LARGE1: variants seen among roughly 807,000 people sequenced by gnomAD.
LARGE1 encodes LARGE xylosyl- and glucuronyltransferase 1.
In LARGE1, 43 loss-of-function variants were observed where a neutral mutation model predicts 87.6. The ratio of observed to expected loss-of-function variants is 0.49; its 90% CI spans 0.38 to 0.63. LARGE1 has a LOEUF of 0.63. Ranked by LOEUF, LARGE1 falls within the 30% of genes least tolerant of loss-of-function variation. The probability of loss-of-function intolerance (pLI) is 0.00; values close to 1 mark genes in which losing one functional copy is unlikely to be tolerated. For missense variants in LARGE1, 802 were observed against 1,000.2 expected, an observed-to-expected ratio of 0.80 and a Z score of 2.67; for synonymous variants, 434 against 394.6, an observed-to-expected ratio of 1.10 and a Z score of -1.18.
intron 1 of LARGE1, among the ~76,000 whole-genome samples, chr22:33,866,546 G>A (rs1394218642): frequency 6.6e-6 from 1 of 152,086 alleles, no homozygotes; most frequent in Non-Finnish European, 1.5e-5. Flanking sequence ...GTGTGACCTT[G>A]GGTGAGTTAC....
intron 2 of LARGE1, among the ~76,000 whole-genome samples, chr22:33,669,052 C>T (rs560801981): frequency 1.3e-5 from 2 of 152,358 alleles, no homozygotes; most frequent in South Asian, 4.1e-4. Flanking sequence ...ATCTCCCAGG[C>T]CCATAGAGTG....
In LARGE1 at chr22:33,435,955, C is replaced by T. The variant is rs188392950; in HGVS notation, c.788-3690G>A. Among the ~76,000 whole-genome samples, 158 of 152,320 alleles carry T rather than the reference C, an allele frequency of 1.0e-3. 1 individual carries two copies. The highest frequency in any genetic ancestry group is 1.9e-3 in the Non-Finnish European group (127 of 68,022). On this transcript the variant is annotated intron_variant, in intron 6 of 14. Coordinates refer to ENST00000397394, the MANE Select transcript of LARGE1 (RefSeq NM_133642.5). ...CTTTTTAAAAGAAATTCATTAGCTG[C>T]CATATCAATGATCAAAACAGTAGTA...
intron 1 of LARGE1, among the ~76,000 whole-genome samples, chr22:33,792,102 G>C (rs1219990915): frequency 1.3e-5 from 2 of 152,068 alleles, no homozygotes. Flanking sequence ...ACGTCAATTC[G>C]GTAAAACAGA....
chr22:33,297,269 C>A (rs1933419152), intron 12 of LARGE1, among the ~76,000 whole-genome samples: 1 of 152,146 alleles, frequency 6.6e-6, no homozygotes, highest in South Asian at 2.1e-4. Flanking sequence ...TCTGGCATTC[C>A]TACACAGTGT....
In LARGE1 at chr22:33,274,527, C is replaced by T. The variant is rs376907568; in HGVS notation, c.2171G>A (p.Arg724His). The part of the protein sequence containing the change: ...ITKFRSNKQY[R>H]ICLKTLKEEF... ...TTCCTTGAGGGTTTTGAGACAGATG[C>T]GGTATTGCTTGTTGGAACGGAACTT... The change falls in exon 15 of 15, where the codon CGC becomes CAC. Residue 724 changes from arginine (R) to histidine (H), a missense_variant. This residue lies in a region of LARGE1 where 625 missense variants were observed against 841.9 expected (regional missense o/e 0.74). Coordinates refer to ENST00000397394, the MANE Select transcript of LARGE1 (RefSeq NM_133642.5). 3.4e-5 allele frequency: 55 copies of T among 1,613,962 alleles called. No homozygotes were observed. Among genetic ancestry groups the T allele is most frequent in the Non-Finnish European group, 4.6e-5 (54 of 1,179,982 alleles).
At chr22:33,100,723 G>A in the LARGE1 span, among the ~76,000 whole-genome samples, 1 of 152,188 alleles carries the variant, frequency 6.6e-6, no homozygotes, top group Admixed American at 6.5e-5. Context: ...GCTCCCTGGT[G>A]ATCCGATGCT....
intron 2 of LARGE1, among the ~76,000 whole-genome samples, chr22:33,748,996 C>G (rs2084208964): frequency 6.6e-6 from 1 of 152,196 alleles, no homozygotes; most frequent in Non-Finnish European, 1.5e-5. Flanking sequence ...TCCCAGGAGA[C>G]TTTCCAGGAT....
At chr22:33,754,995 C>T (rs1254808769) in intron 2 of LARGE1, among the ~76,000 whole-genome samples, 1 of 152,182 alleles carries the variant, frequency 6.6e-6, no homozygotes, top group East Asian at 1.9e-4. Context: ...CCACCCCCAT[C>T]CCGCCTATTC....
the LARGE1 span, among the ~76,000 whole-genome samples, chr22:33,118,427 G>A: frequency 6.6e-6 from 1 of 151,846 alleles, no homozygotes; most frequent in African/African-American, 2.4e-5. Context: ...GGGAGGTCAA[G>A]GCTGCAGTGA....
At chr22:33,709,785 C>T (rs944525603) in intron 2 of LARGE1, among the ~76,000 whole-genome samples, 1 of 151,696 alleles carries the variant, frequency 6.6e-6, no homozygotes, top group African/African-American at 2.4e-5. Flanking sequence ...GCCACCAAGC[C>T]CAGCTAATTT....
intron 5 of LARGE1, among the ~76,000 whole-genome samples, chr22:33,577,109 T>G (rs1253575603): frequency 2.6e-5 from 4 of 152,204 alleles, no homozygotes; most frequent in African/African-American, 9.7e-5. Context: ...AGATTTTGTT[T>G]CTGTTACCAT....
intron 12 of LARGE1, among the ~76,000 whole-genome samples, chr22:33,298,280 G>T (rs192750279): frequency 6.6e-6 from 1 of 152,316 alleles, no homozygotes; most frequent in African/African-American, 2.4e-5. Context: ...AAACCTGAGG[G>T]CCAGAACTTT....
chr22:33,888,994 T>C (rs1349985821), intron 1 of LARGE1: 1 of 152,246 alleles, frequency 6.6e-6, no homozygotes, highest in Non-Finnish European at 1.5e-5. Flanking sequence ...AAGTTCCTGA[T>C]GTAAATCAGC....
chr22:33,247,072 TG>T (rs1926799320), intron 11 of LARGE1, among the ~76,000 whole-genome samples: 2 of 151,902 alleles, frequency 1.3e-5, no homozygotes, highest in East Asian at 3.9e-4. Flanking sequence ...TGTGTGTGTG[TG>T]TGTGTGTGTG....
chr22:33,088,438 A>G, the LARGE1 span, among the ~76,000 whole-genome samples: 2 of 152,182 alleles, frequency 1.3e-5, no homozygotes, highest in African/African-American at 4.8e-5. Flanking sequence ...TTCTATTCAT[A>G]GGTTTTAAAA....
intron 9 of LARGE1, among the ~76,000 whole-genome samples, chr22:33,352,090 T>A (rs1275198358): frequency 1.3e-5 from 2 of 152,282 alleles, no homozygotes; most frequent in East Asian, 3.9e-4. Context: ...CTTTACTACA[T>A]AAGAATGGCT....
chr22:33,235,704 G>T (rs1005105977), intron 11 of LARGE1, among the ~76,000 whole-genome samples: 3 of 152,148 alleles, frequency 2.0e-5, no homozygotes, highest in African/African-American at 7.2e-5. Context: ...TCCAAGAGGA[G>T]ATGTCCAAGA....
the LARGE1 span, among the ~76,000 whole-genome samples, chr22:33,134,255 CTTTTTT>C: frequency 8.8e-5 from 11 of 124,342 alleles, no homozygotes; most frequent in Admixed American, 8.5e-5. Flanking sequence ...AAAGAACTCC[CTTTTTT>C]TTTTTTTTTT....
chr22:33,090,945 GGT>G, the LARGE1 span, among the ~76,000 whole-genome samples: 2 of 152,118 alleles, frequency 1.3e-5, no homozygotes, highest in Admixed American at 1.3e-4. Flanking sequence ...AGTCCTGTAT[GGT>G]AGAAGTCTCC....
Sources: allele counts gnomAD v4.1 joint callset (sites outside exome capture counted in the v4.1 genomes callset), GRCh38; gene constraint gnomAD v4.1.1; regional missense constraint gnomAD v4.1.1; transcripts MANE v1.5; gene names NCBI Gene and HGNC (gene_info 2026-07-23, HGNC 2026-07-21).